Variants in GREB1L observed in about 807,000 individuals in gnomAD.
The protein encoded by GREB1L is GREB1 like retinoic acid receptor coactivator, also known as GREB1-like protein.
GREB1L carries 17 observed loss-of-function variants against 200.8 expected under a neutral mutation model. The observed-to-expected ratio is 0.08, with a 90% confidence interval of 0.06 to 0.13. The LOEUF is 0.13. GREB1L is among the 10% of genes least tolerant of loss of function. The pLI is 1.00. For missense variants in GREB1L, 1,657 were observed against 2,367.7 expected, an observed-to-expected ratio of 0.70 and a Z score of 6.23; for synonymous variants, 789 against 893.0, an observed-to-expected ratio of 0.88 and a Z score of 2.08.
At chr18:21,368,128 A>G (rs551973287) in intron 2 of GREB1L, among the ~76,000 whole-genome samples, 12 of 152,344 alleles carry the variant, frequency 7.9e-5, no homozygotes, top group African/African-American at 2.9e-4. Flanking sequence ...TAATTTATAA[A>G]TTTACAATAT....
At chr18:21,396,185 C>T (rs2041057853) in intron 5 of GREB1L, among the ~76,000 whole-genome samples, 2 of 151,878 alleles carry the variant, frequency 1.3e-5, no homozygotes, top group South Asian at 4.2e-4. Context: ...GCTGGGATTA[C>T]AGGCGCCCAC....
chr18:21,500,779 G>A, intron 23 of GREB1L, 137 bp downstream of exon 23: 1 of 646,900 alleles, frequency 1.5e-6, no homozygotes, highest in Middle Eastern at 4.3e-4. Context: ...TAAAGATAAT[G>A]TGCCCAAGGC....
intron 4 of GREB1L, among the ~76,000 whole-genome samples, chr18:21,387,244 C>T (rs2040580517): frequency 1.3e-5 from 2 of 152,174 alleles, no homozygotes; most frequent in African/African-American, 4.8e-5. Flanking sequence ...TTTCCCTGCC[C>T]TCTTTTAGTT....
intron 4 of GREB1L, among the ~76,000 whole-genome samples, chr18:21,390,030 G>A (rs926771670): frequency 6.6e-6 from 1 of 152,174 alleles, no homozygotes; most frequent in Non-Finnish European, 1.5e-5. Context: ...ATGACTGACT[G>A]CATATATGAC....
At chr18:21,457,710 T>G (rs1010484965) in intron 15 of GREB1L, among the ~76,000 whole-genome samples, 1 of 152,202 alleles carries the variant, frequency 6.6e-6, no homozygotes, top group African/African-American at 2.4e-5. Context: ...TTAAATACCT[T>G]CATATTCTTG....
intron 7 of GREB1L, among the ~76,000 whole-genome samples, chr18:21,423,162 C>T (rs1406403999): frequency 6.6e-6 from 1 of 152,142 alleles, no homozygotes; most frequent in African/African-American, 2.4e-5. Flanking sequence ...AACTCCTGAC[C>T]TTGTGATTTG....
At chr18:21,477,483 T>A in intron 17 of GREB1L, 127 bp downstream of exon 17, 1 of 764,390 alleles carries the variant, frequency 1.3e-6, no homozygotes, top group Non-Finnish European at 1.9e-6. Flanking sequence ...ACGTAATGCT[T>A]TATGTAAGAG....
At chr18:21,430,964 T>C (rs943220478) in intron 7 of GREB1L, among the ~76,000 whole-genome samples, 40 of 150,894 alleles carry the variant, frequency 2.7e-4, no homozygotes, top group Non-Finnish European at 2.2e-4. Context: ...ATCCCATAAG[T>C]TGTTGTATGT....
chr18:21,365,213 A>G (rs1342639465), intron 1 of GREB1L, among the ~76,000 whole-genome samples: 2 of 152,146 alleles, frequency 1.3e-5, no homozygotes, highest in African/African-American at 4.8e-5. Flanking sequence ...TTAGTTATAT[A>G]GATATTTATA....
At chr18:21,353,938 A>C (rs2039469580) in intron 1 of GREB1L, among the ~76,000 whole-genome samples, 3 of 152,056 alleles carry the variant, frequency 2.0e-5, no homozygotes, top group Admixed American at 2.0e-4. Flanking sequence ...GGTGCATACC[A>C]CCACACTCAG....
At chr18:21,424,965 T>G (rs2032445079) in intron 7 of GREB1L, among the ~76,000 whole-genome samples, 1 of 152,228 alleles carries the variant, frequency 6.6e-6, no homozygotes, top group Non-Finnish European at 1.5e-5. Flanking sequence ...GGTTCATCCA[T>G]ATCGTAGTAT....
chr18:21,244,184 A>G (rs1211780671), intron 1 of GREB1L, among the ~76,000 whole-genome samples: 2 of 151,972 alleles, frequency 1.3e-5, no homozygotes, highest in African/African-American at 2.4e-5. Flanking sequence ...TTAAACTAAT[A>G]TCTCCTCCTG....
At position 21,505,532 on chromosome 18, in the gene GREB1L, T is replaced by C; in HGVS notation, c.4193T>C (p.Leu1398Pro). 6.4e-7 allele frequency: 1 copy of C among 1,551,796 alleles called. No homozygotes were observed. ...GACCCCAAGTACAGTTTGATGAGCCTGGTGTATACTGAGAAGCTGGCAGGG... is the reference window on the plus strand; with the variant it reads ...GACCCCAAGTACAGTTTGATGAGCCCGGTGTATACTGAGAAGCTGGCAGGG... ...VHDPKYSLMS[L>P]VYTEKLAGVK... is the part of the protein sequence containing the mutation. Residue 1398 changes from leucine to proline, a missense_variant, in exon 24 of 33, where the codon CTG becomes CCG. Physicochemically the swap from Leu to Pro is moderately conservative, Grantham distance 98. This residue lies in a region of GREB1L where 512 missense variants were observed against 668.3 expected (regional missense o/e 0.77). Transcript: ENST00000424526.
chr18:21,426,973 CAAAAAAAAAA>C (rs56776768), intron 7 of GREB1L, among the ~76,000 whole-genome samples: 3 of 83,788 alleles, frequency 3.6e-5, no homozygotes, highest in African/African-American at 9.7e-5. Flanking sequence ...AAAAAAAAAA[CAAAAAAAAAA>C]AAAACAAAAA....
chr18:21,446,241 T>C (rs2034211037), intron 11 of GREB1L, among the ~76,000 whole-genome samples: 2 of 152,196 alleles, frequency 1.3e-5, no homozygotes, highest in African/African-American at 4.8e-5. Flanking sequence ...GCCAGGCTGG[T>C]CTCAAACTCC....
intron 1 of GREB1L, among the ~76,000 whole-genome samples, chr18:21,336,477 T>C (rs2039187295): frequency 6.6e-6 from 1 of 152,088 alleles, no homozygotes. Context: ...ATAAGCAAAA[T>C]AAATCCCTTA....
At chr18:21,462,347 C>A (rs1331169632) in intron 15 of GREB1L, among the ~76,000 whole-genome samples, 1 of 152,246 alleles carries the variant, frequency 6.6e-6, no homozygotes, top group African/African-American at 2.4e-5. Context: ...TCACTTCTGA[C>A]ATTTTCAGAT....
intron 3 of GREB1L, 79 bp downstream of exon 3, chr18:21,383,754 C>T: frequency 7.1e-7 from 1 of 1,413,064 alleles, no homozygotes. Flanking sequence ...CGTCTGTTGC[C>T]CAGGCTGGAG....
intron 32 of GREB1L, among the ~76,000 whole-genome samples, chr18:21,521,559 T>C (rs2037599280): frequency 6.6e-6 from 1 of 152,052 alleles, no homozygotes; most frequent in African/African-American, 2.4e-5. Context: ...TATTTATTTA[T>C]TTAGAGACTT....
Sources: allele counts gnomAD v4.1 joint callset (sites outside exome capture counted in the v4.1 genomes callset), GRCh38; gene constraint gnomAD v4.1.1; regional missense constraint gnomAD v4.1.1; transcripts MANE v1.5; gene names NCBI Gene and HGNC (gene_info 2026-07-23, HGNC 2026-07-21).